AIG1: variants seen among roughly 807,000 people sequenced by gnomAD.
AIG1 encodes androgen-induced gene 1 protein.
A neutral mutation model predicts 31.4 loss-of-function variants in AIG1; 23 were observed. The observed-to-expected ratio is 0.73, with a 90% CI of 0.53 to 1.04. AIG1 has a LOEUF of 1.04. Ranked by LOEUF, AIG1 falls within the 50% of genes least tolerant of loss-of-function variation. AIG1 has a pLI of 0.00. For missense variants in AIG1, 274 were observed against 295.0 expected, an observed-to-expected ratio of 0.93 and a Z score of 0.52; for synonymous variants, 100 against 110.5, an observed-to-expected ratio of 0.90 and a Z score of 0.60.
upstream of AIG1, among the ~76,000 whole-genome samples, chr6:143,060,273 G>A (rs1385427872): frequency 5.3e-5 from 8 of 152,216 alleles, no homozygotes; most frequent in Non-Finnish European, 1.2e-4. Flanking sequence ...TGTCAACACT[G>A]AAAACCTTAT....
chr6:143,106,978 A>G (rs1246503519), intron 1 of AIG1, among the ~76,000 whole-genome samples: 1 of 152,186 alleles, frequency 6.6e-6, no homozygotes, highest in Non-Finnish European at 1.5e-5. Context: ...ATCACTTCCC[A>G]AAGCTCCATC....
At chr6:143,133,487 TC>T (rs1783454993) in intron 1 of AIG1, among the ~76,000 whole-genome samples, 1 of 152,146 alleles carries the variant, frequency 6.6e-6, no homozygotes, top group Non-Finnish European at 1.5e-5. Context: ...CTTTGTGTAT[TC>T]CCCTCCAATT....
chr6:143,182,641 T>C (rs1384149731), intron 3 of AIG1, among the ~76,000 whole-genome samples: 3 of 152,326 alleles, frequency 2.0e-5, no homozygotes, highest in Admixed American at 2.0e-4. Flanking sequence ...ATCCTTGATA[T>C]ATAATGTGGT....
At chr6:143,185,556 T>C (rs1334443781) in intron 3 of AIG1, among the ~76,000 whole-genome samples, 1 of 152,250 alleles carries the variant, frequency 6.6e-6, no homozygotes, top group African/African-American at 2.4e-5. Context: ...TGCTCATGCA[T>C]GCATTGCTTC....
intron 1 of AIG1, among the ~76,000 whole-genome samples, chr6:143,080,550 C>T (rs56860246): frequency 0.13 from 19,240 of 151,558 alleles, 3,768 homozygotes; most frequent in African/African-American, 0.42. Flanking sequence ...TAGAAGCTCT[C>T]GGTAAGGGGA....
At chr6:143,086,962 A>G (rs1778847610) in intron 1 of AIG1, among the ~76,000 whole-genome samples, 1 of 152,134 alleles carries the variant, frequency 6.6e-6, no homozygotes, top group South Asian at 2.1e-4. Context: ...AAAATTGTGA[A>G]AGCGGAAGCT....
intron 1 of AIG1, among the ~76,000 whole-genome samples, chr6:143,085,651 TAG>T (rs1256592268): frequency 2.0e-5 from 3 of 152,180 alleles, no homozygotes; most frequent in African/African-American, 7.2e-5. Flanking sequence ...AGGATTGAGA[TAG>T]AGTTTTTTTG....
chr6:143,335,910 C>T (rs1443749175), intron 5 of AIG1, among the ~76,000 whole-genome samples: 1 of 149,774 alleles, frequency 6.7e-6, no homozygotes, highest in Non-Finnish European at 1.5e-5. Flanking sequence ...ATCGTGCCAC[C>T]ACACTCCATC....
intron 2 of AIG1, among the ~76,000 whole-genome samples, chr6:143,154,669 C>A (rs74896224): frequency 6.6e-6 from 1 of 152,020 alleles, no homozygotes; most frequent in Non-Finnish European, 1.5e-5. Flanking sequence ...TGGTGAAACC[C>A]GAATTTGGTC....
intron 3 of AIG1, among the ~76,000 whole-genome samples, chr6:143,246,922 A>G (rs1403895177): frequency 6.6e-6 from 1 of 152,234 alleles, no homozygotes. Flanking sequence ...GGAAGCTGTT[A>G]TATTCATGGC....
At chr6:143,263,978 C>A (rs1795981083) in intron 3 of AIG1, among the ~76,000 whole-genome samples, 1 of 152,054 alleles carries the variant, frequency 6.6e-6, no homozygotes, top group African/African-American at 2.4e-5. Flanking sequence ...AACTATAGTC[C>A]TTGTTAGTAG....
chr6:143,129,396 A>C (rs1016038854), intron 1 of AIG1, among the ~76,000 whole-genome samples: 1 of 152,214 alleles, frequency 6.6e-6, no homozygotes, highest in African/African-American at 2.4e-5. Context: ...TTAGCAGTTC[A>C]GGTGAGGTGG....
intron 1 of AIG1, among the ~76,000 whole-genome samples, chr6:143,109,431 G>A (rs1341140405): frequency 6.6e-6 from 1 of 152,200 alleles, no homozygotes; most frequent in Admixed American, 6.5e-5. Flanking sequence ...GCTTCGTGGA[G>A]ACTGCCAGTT....
At chr6:143,171,527 TAA>T (rs1491113624) in intron 3 of AIG1, among the ~76,000 whole-genome samples, 1 of 130,582 alleles carries the variant, frequency 7.7e-6, no homozygotes, top group Non-Finnish European at 1.6e-5. Flanking sequence ...TATATATATT[TAA>T]TATATATATT....
chr6:143,179,008 C>G (rs1291158455), intron 3 of AIG1, among the ~76,000 whole-genome samples: 1 of 152,000 alleles, frequency 6.6e-6, no homozygotes, highest in Admixed American at 6.6e-5. Flanking sequence ...GTGGGCTCAA[C>G]CAGGTAGATG....
At chr6:143,208,499 G>C (rs1791305649) in intron 3 of AIG1, among the ~76,000 whole-genome samples, 1 of 152,202 alleles carries the variant, frequency 6.6e-6, no homozygotes, top group South Asian at 2.1e-4. Flanking sequence ...GGCAGGAAGG[G>C]TCAGTGATGC....
chr6:143,275,266 A>G (rs1796815267), intron 3 of AIG1, among the ~76,000 whole-genome samples: 1 of 152,186 alleles, frequency 6.6e-6, no homozygotes, highest in Non-Finnish European at 1.5e-5. Flanking sequence ...TTGAAAAGCC[A>G]GCAGGATAGG....
At chr6:143,103,990 G>T (rs1187415944) in intron 1 of AIG1, among the ~76,000 whole-genome samples, 10 of 152,204 alleles carry the variant, frequency 6.6e-5, no homozygotes, top group Admixed American at 5.9e-4. Context: ...GTTTCTGATT[G>T]CTGTTGCTGC....
rs1293509983 is a variant in AIG1, at chr6:143,258,969, C to T, written c.400-25141C>T. On this transcript the variant is annotated intron_variant, in intron 3 of 5. Coordinates refer to ENST00000357847, the MANE Select transcript of AIG1 (RefSeq NM_016108.4). The surrounding 1 kb of genome is among the most constrained non-coding windows in gnomAD (Gnocchi z 4.7). ...TAGCAGAGGTCAACAGAGACCTTGGCAAAACCATTTCCAGCAGATGATGGG... is the reference window on the plus strand; with the variant it reads ...TAGCAGAGGTCAACAGAGACCTTGGTAAAACCATTTCCAGCAGATGATGGG... Among the ~76,000 whole-genome samples, 1 of 152,212 alleles carries T rather than the reference C, an allele frequency of 6.6e-6. No individual in the cohort carries two copies. The highest frequency in any genetic ancestry group is 1.5e-5 in the Non-Finnish European group (1 of 68,036).
Sources: allele counts gnomAD v4.1 joint callset (sites outside exome capture counted in the v4.1 genomes callset), GRCh38; gene constraint gnomAD v4.1.1; non-coding constraint Gnocchi (gnomAD v3.1); transcripts MANE v1.5; gene names NCBI Gene and HGNC (gene_info 2026-07-23, HGNC 2026-07-21).